The following FHIP2A variants were observed in gnomAD, a reference collection of about 807,000 sequenced individuals.
FHIP2A encodes family with sequence similarity 160 member B1.
In FHIP2A, 46 loss-of-function variants were observed where a neutral mutation model predicts 93.5. That is an observed-to-expected ratio of 0.49 (90% CI 0.39 to 0.63). FHIP2A has a LOEUF of 0.63. FHIP2A is among the 20% of genes least tolerant of loss of function. The pLI is 0.00. For missense variants in FHIP2A, 769 were observed against 909.7 expected (o/e 0.85, Z 1.99); for synonymous variants, 332 against 326.5 (o/e 1.02, Z -0.18).
chr10:114,848,830 A>G (rs2083717625), intron 13 of FHIP2A, 93 bp downstream of exon 13: 5 of 797,896 alleles, frequency 6.3e-6, no homozygotes, highest in Non-Finnish European at 1.0e-5. Flanking sequence ...CTCCAAGGAA[A>G]TGACTTCATT....
chr10:114,860,935 G>A (rs2083794738), intron 15 of FHIP2A, 46 bp downstream of exon 15: 2 of 1,544,954 alleles, frequency 1.3e-6, no homozygotes, highest in African/African-American at 2.7e-5. Context: ...ATAAATCTGT[G>A]CAATTAATAT....
At chr10:114,896,563 T>G (rs1353972341) in intron 16 of FHIP2A, among the ~76,000 whole-genome samples, 1 of 152,238 alleles carries the variant, frequency 6.6e-6, no homozygotes, top group Admixed American at 6.5e-5. Flanking sequence ...GATTGCCTCC[T>G]TTGGAAAGGC....
In FHIP2A at chr10:114,845,590, C is replaced by A. The variant is rs956617489; in HGVS notation, c.1128+109C>A. 3.6e-5 allele frequency: 24 copies of A among 670,912 alleles called. No homozygotes were observed. The African/African-American group carries it at 3.8e-4, about 11-fold the overall frequency. 41.6% of individuals were successfully genotyped at this position (670,912 alleles called of 1,614,324 possible). A position where few individuals can be genotyped will look rare whatever the true frequency, so the allele number is the denominator to read the frequency against. ...AATACATTTTAATTGTCTTAGAATA[C>A]CATGGTTAGTAAAATAAGTAAACAA... On this transcript the variant is annotated intron_variant, in intron 8 of 16. Coordinates refer to ENST00000369248, the MANE Select transcript of FHIP2A (RefSeq NM_020940.4).
intron 1 of FHIP2A, among the ~76,000 whole-genome samples, chr10:114,823,780 G>C (rs149594300): frequency 1.3e-5 from 2 of 151,834 alleles, no homozygotes; most frequent in East Asian, 3.9e-4. Flanking sequence ...TTACAGGTGT[G>C]AGCCACCACA....
chr10:114,895,641 T>C lies in FHIP2A; in HGVS notation c.2193-3849T>C, dbSNP rs994198130. 5.3e-5 allele frequency among the ~76,000 whole-genome samples: 8 copies of C among 152,258 alleles called. No homozygotes were observed. The East Asian group carries it at 1.5e-3, about 29-fold the overall frequency. ...GGGGACCAGTATCCTGACTTTACAG[T>C]TGAAAAAAATTGAGGCTCCGGAATC... On this transcript the variant is annotated intron_variant, in intron 16 of 16. Coordinates refer to the FHIP2A transcript ENST00000369250.
rs553021550 is a variant in FHIP2A at position 114,847,295 on chromosome 10, T to G, written c.1712+62T>G. On this transcript the variant is annotated intron_variant, in intron 12 of 16. Coordinates refer to ENST00000369248, the MANE Select transcript of FHIP2A (RefSeq NM_020940.4). ...TGTTTTTTGTTTTTGTTTATTAGTA[T>G]TATTATTTTTTGAGATGGAGTCTTG... 106 of 1,473,718 alleles carry G rather than the reference T, an allele frequency of 7.2e-5. No individual in the cohort carries two copies. In the Middle Eastern group the frequency reaches 1.1e-3, roughly 15 times the overall value. 91.3% of individuals were successfully genotyped at this position (1,473,718 alleles called of 1,614,324 possible).
At chr10:114,867,687 G>A (rs1173981490), downstream of FHIP2A, among the ~76,000 whole-genome samples, 4 of 152,072 alleles carry the variant, frequency 2.6e-5, no homozygotes, top group African/African-American at 7.2e-5. Context: ...CAGAAGCCAC[G>A]TGCCAGATGT....
intron 16 of FHIP2A, among the ~76,000 whole-genome samples, chr10:114,882,843 C>G (rs2083923608): frequency 6.6e-6 from 1 of 151,184 alleles, no homozygotes; most frequent in Non-Finnish European, 1.5e-5. Context: ...CCACTGCACT[C>G]CATTCTGGGT....
At position 114,864,016 on chromosome 10, in the gene FHIP2A, T is replaced by C. The variant is rs1024532429; in HGVS notation, c.*2476T>C. 9 of 999,060 alleles carry C rather than the reference T, an allele frequency of 9.0e-6. No individual in the cohort carries two copies. The East Asian group carries it at 4.4e-4, about 49-fold the overall frequency. The allele number at this position is 999,060 out of a possible 1,614,324, so 61.9% of individuals were successfully genotyped here. On this transcript the variant is annotated 3_prime_UTR_variant, in exon 17 of 17. Transcript: ENST00000369248. ...CCATATAGTACTCACCTTATAACTA[T>C]GTAACTTTCTCGTAATGTATCTGTT...
In FHIP2A at chr10:114,862,409, A is replaced by G. The variant is rs2083805981; in HGVS notation, c.*869A>G. The G allele has an allele frequency of 1.0e-6, 1 of 987,270 alleles. No individual in the cohort carries two copies. The highest frequency in any genetic ancestry group is 1.2e-6 in the Non-Finnish European group (1 of 830,042). 61.2% of individuals were successfully genotyped at this position (987,270 alleles called of 1,614,324 possible). On this transcript the variant is annotated 3_prime_UTR_variant, in exon 17 of 17. Transcript: ENST00000369248. Reference sequence around the variant, plus strand: ...CTTTATAAAATTGCTTTATAATTTGATTTTCTTACTGAAACGCATGGTGGT... The same window carrying G: ...CTTTATAAAATTGCTTTATAATTTGGTTTTCTTACTGAAACGCATGGTGGT...
intron 16 of FHIP2A, among the ~76,000 whole-genome samples, chr10:114,898,746 G>C (rs1471684069): frequency 6.6e-6 from 1 of 152,102 alleles, no homozygotes; most frequent in African/African-American, 2.4e-5. Flanking sequence ...AAATGATATT[G>C]ATTTTGAGTA....
chr10:114,847,495 G>A (rs2083708727), intron 12 of FHIP2A, among the ~76,000 whole-genome samples: 1 of 152,114 alleles, frequency 6.6e-6, no homozygotes, highest in East Asian at 1.9e-4. Context: ...CACCATGTTG[G>A]TTAGGCTGGT....
chr10:114,826,357 T>C (rs1697830992), intron 1 of FHIP2A, among the ~76,000 whole-genome samples: 1 of 152,252 alleles, frequency 6.6e-6, no homozygotes, highest in South Asian at 2.1e-4. Context: ...CCCTTCCTTC[T>C]ACACTTGGAC....
At chr10:114,850,805 C>A (rs2083730476) in intron 13 of FHIP2A, among the ~76,000 whole-genome samples, 1 of 152,220 alleles carries the variant, frequency 6.6e-6, no homozygotes, top group Non-Finnish European at 1.5e-5. Context: ...AGATCCTTAT[C>A]AGATACATTA....
intron 4 of FHIP2A, 58 bp downstream of exon 4, chr10:114,835,699 A>T: frequency 2.9e-6 from 3 of 1,023,302 alleles, no homozygotes; most frequent in Non-Finnish European, 4.3e-6. Flanking sequence ...TGTTGAAATA[A>T]TTTTATATTA....
chr10:114,897,461 C>T (rs139181986), intron 16 of FHIP2A, among the ~76,000 whole-genome samples: 20 of 152,248 alleles, frequency 1.3e-4, no homozygotes, highest in African/African-American at 4.1e-4. Flanking sequence ...TATTTCTTTA[C>T]GGCACTGGGG....
At position 114,863,241 on chromosome 10, in the gene FHIP2A, A is replaced by G. The variant is rs191236837; in HGVS notation, c.*1701A>G. On this transcript the variant is annotated 3_prime_UTR_variant, in exon 17 of 17. Coordinates refer to ENST00000369248, the MANE Select transcript of FHIP2A (RefSeq NM_020940.4). ...CATTTTGAATGATGTGAAGGCATTC[A>G]GTTTGCTGTATTTTTTTAATCACTT... 2.2e-4 allele frequency: 210 copies of G among 970,194 alleles called. No homozygotes were observed. In the African/African-American group the frequency reaches 3.4e-3, roughly 15 times the overall value. 60.1% of individuals were successfully genotyped at this position (970,194 alleles called of 1,614,324 possible).
Position 114,835,625 on chromosome 10 carries a change from T to C in FHIP2A, c.383T>C (p.Val128Ala). The change falls in exon 4 of 17, where the codon GTG becomes GCG. Residue 128 changes from valine to alanine, a missense_variant. Physicochemically the swap from Val to Ala is moderately conservative, Grantham distance 64 (BLOSUM62 0). Coordinates refer to ENST00000369248, the MANE Select transcript of FHIP2A (RefSeq NM_020940.4). ...IRQPLLPHIN[V>A]HRPVQKLIRL... ...CAGCCACTACTTCCACACATTAACG[T>C]GCACAGGCCAGTGCAGGTATTTTGT... 6.2e-7 allele frequency: 1 copy of C among 1,608,170 alleles called. No homozygotes were observed. Among genetic ancestry groups the C allele is most frequent in the South Asian group, 1.1e-5 (1 of 90,428 alleles).
In FHIP2A at chr10:114,861,405, T is replaced by A. The variant is rs747281213; in HGVS notation, c.2193-30T>A. 1.9e-6 allele frequency: 3 copies of A among 1,613,886 alleles called. No individual in the cohort carries two copies. The South Asian group carries it at 3.3e-5, about 18-fold the overall frequency. On this transcript the variant is annotated intron_variant, in intron 16 of 16. Coordinates refer to ENST00000369248, the MANE Select transcript of FHIP2A (RefSeq NM_020940.4). ...CTTAATGATCGGCTGCTATCTTGAA[T>A]TGATTTATTGTCTGTTTTTTCCTTA...
Sources: gnomAD v4.1 joint callset for allele counts (sites outside exome capture counted in the v4.1 genomes callset) on GRCh38, gnomAD v4.1.1 for gene constraint, MANE v1.5 for transcripts, NCBI Gene and HGNC (gene_info 2026-07-23, HGNC 2026-07-21) for gene names.